The following PLSCR4 variants were observed in gnomAD, a reference collection of about 807,000 sequenced individuals.
The protein encoded by PLSCR4 is Ca(2+)-dependent phospholipid scramblase 4.
Under a neutral mutation model 36.3 loss-of-function variants are expected in PLSCR4, and 25 were observed. The ratio of observed to expected loss-of-function variants is 0.69; its 90% CI spans 0.50 to 0.96. The LOEUF is 0.96. Among genes scored for constraint, PLSCR4 ranks in the 40% least tolerant of loss-of-function variants. The pLI is 0.00. For synonymous variants in PLSCR4, 122 were observed against 132.9 expected, an observed-to-expected ratio of 0.92 and a Z score of 0.56; for missense variants, 408 against 414.7, an observed-to-expected ratio of 0.98 and a Z score of 0.14.
chr3:146,222,954 A>T (rs112154741), intron 1 of PLSCR4, among the ~76,000 whole-genome samples: 1 of 152,062 alleles, frequency 6.6e-6, no homozygotes, highest in Non-Finnish European at 1.5e-5. Flanking sequence ...TGATGGACTA[A>T]GGTAAAGAGA....
At chr3:146,212,436 T>C (rs905669393) in intron 3 of PLSCR4, among the ~76,000 whole-genome samples, 3 of 15,678 alleles carry the variant, frequency 1.9e-4, no homozygotes, top group Non-Finnish European at 3.7e-4. Context: ...TTTTTTGTTT[T>C]GTTTTTTTTT....
chr3:146,199,291 G>C (rs2033912983), intron 6 of PLSCR4, among the ~76,000 whole-genome samples: 1 of 152,068 alleles, frequency 6.6e-6, no homozygotes. Flanking sequence ...GCAAGATAAT[G>C]AGTAACCACA....
rs1353114503 is a variant in PLSCR4, at chr3:146,194,403, G to C, written c.*8C>G. 6.2e-7 allele frequency: 1 copy of C among 1,601,584 alleles called. No homozygotes were observed. The highest frequency in any genetic ancestry group is 8.6e-7 in the Non-Finnish European group (1 of 1,169,126). ...AATTAACCATAGTTGATGGCTTGCT[G>C]TGTCTCTCTATCTTGAACGTTGTGG... On this transcript the variant is annotated 3_prime_UTR_variant, in exon 9 of 9. Coordinates refer to ENST00000354952, the MANE Select transcript of PLSCR4 (RefSeq NM_020353.3).
chr3:146,209,072 C>A (rs1193506044), intron 3 of PLSCR4, among the ~76,000 whole-genome samples: 2 of 152,054 alleles, frequency 1.3e-5, no homozygotes, highest in Admixed American at 6.6e-5. Context: ...TGGAATACTA[C>A]TCAGCCATAA....
rs16858016 is a variant in PLSCR4 at position 146,195,311 on chromosome 3, T to C, written c.787-29A>G. On this transcript the variant is annotated intron_variant, in intron 7 of 8. Transcript: ENST00000354952. ...GAATGACAAGAATGTGCCTTTATGATGATTGAAACGCATTGAAGCATGTTT... is the reference window on the plus strand; with the variant it reads ...GAATGACAAGAATGTGCCTTTATGACGATTGAAACGCATTGAAGCATGTTT... 2,524 of 1,581,660 alleles carry C rather than the reference T, an allele frequency of 1.6e-3. 29 individuals are homozygous for C. The African/African-American group carries it at 0.027, about 17-fold the overall frequency.
chr3:146,196,543 T>TAA, intron 7 of PLSCR4, 89 bp downstream of exon 7: 4 of 1,174,044 alleles, frequency 3.4e-6, no homozygotes, highest in African/African-American at 3.1e-5. Flanking sequence ...TCATTCACAT[T>TAA]AAAAAAAAAT....
chr3:146,196,939 A>T, intron 6 of PLSCR4, 146 bp from the exon 7 acceptor site: 1 of 700,514 alleles, frequency 1.4e-6, no homozygotes, highest in Non-Finnish European at 2.4e-6. Flanking sequence ...CATCTCACCC[A>T]GGCCATTCTT....
In PLSCR4 at chr3:146,213,334, C is replaced by CTTTT. The variant is rs60242461; in HGVS notation, c.119-6577_119-6574dup. Among the ~76,000 whole-genome samples, 16 of 125,516 alleles carry CTTTT rather than the reference C, an allele frequency of 1.3e-4. 2 individuals carry two copies. Among genetic ancestry groups the CTTTT allele is most frequent in the South Asian group, 8.1e-4 (3 of 3,704 alleles). 82.3% of individuals were successfully genotyped at this position (125,516 alleles called of 152,430 possible). A position where few individuals can be genotyped will look rare whatever the true frequency, so the allele number is the denominator to read the frequency against. ...TTCATGCAGCATTTAGTAAAATTTC[C>CTTTT]TTTTTTTTTTTTTTTTGTGATGTAG... On this transcript the variant is annotated intron_variant, in intron 3 of 8. Transcript: ENST00000354952.
chr3:146,245,520 A>G (rs2036303128), intron 1 of PLSCR4, among the ~76,000 whole-genome samples: 1 of 152,106 alleles, frequency 6.6e-6, no homozygotes, highest in African/African-American at 2.4e-5. Flanking sequence ...CTACATAAAT[A>G]TCAAGCACAA....
intron 3 of PLSCR4, among the ~76,000 whole-genome samples, chr3:146,218,551 A>G (rs1372835532): frequency 6.6e-6 from 1 of 151,902 alleles, no homozygotes; most frequent in South Asian, 2.1e-4. Context: ...AATTTTTGTT[A>G]TAAGTATGTA....
intron 1 of PLSCR4, among the ~76,000 whole-genome samples, chr3:146,228,011 A>G (rs2035549007): frequency 1.3e-5 from 2 of 152,210 alleles, no homozygotes; most frequent in Non-Finnish European, 2.9e-5. Context: ...CAGTATGGAC[A>G]GTGGTCCAGA....
At chr3:146,231,010 C>T (rs2035688345) in intron 1 of PLSCR4, among the ~76,000 whole-genome samples, 1 of 148,298 alleles carries the variant, frequency 6.7e-6, no homozygotes, top group African/African-American at 2.6e-5. Flanking sequence ...TTAACCCTTA[C>T]CCTCCTCCCA....
chr3:146,235,502 A>T (rs115091508), intron 1 of PLSCR4, among the ~76,000 whole-genome samples: 2,553 of 151,780 alleles, frequency 0.017, 76 homozygotes, highest in African/African-American at 0.058. Context: ...AACCAATTAA[A>T]CTCTTTTTCT....
chr3:146,249,196 T>G (rs934715448), intron 1 of PLSCR4, among the ~76,000 whole-genome samples: 16 of 152,146 alleles, frequency 1.1e-4, no homozygotes, highest in African/African-American at 3.6e-4. Flanking sequence ...GGTTTTTGTA[T>G]TATGCTTAGA....
intron 1 of PLSCR4, among the ~76,000 whole-genome samples, chr3:146,237,327 A>T (rs2107838712): frequency 6.6e-6 from 1 of 152,282 alleles, no homozygotes; most frequent in East Asian, 1.9e-4. Context: ...GAAAATACAC[A>T]ATCAAAAACT....
intron 3 of PLSCR4, among the ~76,000 whole-genome samples, chr3:146,218,495 A>C (rs1480750905): frequency 6.6e-6 from 1 of 151,532 alleles, no homozygotes; most frequent in Non-Finnish European, 1.5e-5. Flanking sequence ...TTTAAAATTA[A>C]ATTTATATTT....
At chr3:146,200,159 T>C in intron 5 of PLSCR4, 120 bp from the exon 6 acceptor site, 1 of 632,706 alleles carries the variant, frequency 1.6e-6, no homozygotes, top group East Asian at 2.7e-5. Flanking sequence ...TCAGGTGAAA[T>C]ATGTAGAATT....
chr3:146,201,503 T>C (rs1038676976), intron 4 of PLSCR4, among the ~76,000 whole-genome samples: 4 of 152,028 alleles, frequency 2.6e-5, no homozygotes, highest in African/African-American at 4.8e-5. Context: ...AAAAGGGAAG[T>C]CTCTCAGTGG....
intron 1 of PLSCR4, among the ~76,000 whole-genome samples, chr3:146,242,687 G>A (rs116043147): frequency 0.014 from 2,119 of 152,264 alleles, 53 homozygotes; most frequent in African/African-American, 0.049. Context: ...CCAACTTCAT[G>A]TATAAAAACC....
Sources: gnomAD v4.1 joint callset for allele counts (sites outside exome capture counted in the v4.1 genomes callset) on GRCh38, gnomAD v4.1.1 for gene constraint, MANE v1.5 for transcripts, NCBI Gene and HGNC (gene_info 2026-07-23, HGNC 2026-07-21) for gene names.